Variants in IGF2BP2 observed in about 807,000 individuals in gnomAD.
IGF2BP2 encodes the protein insulin like growth factor 2 mRNA binding protein 2.
Under a neutral mutation model 75.8 loss-of-function variants are expected in IGF2BP2, and 17 were observed. That is an observed-to-expected ratio of 0.22 (90% confidence interval 0.15 to 0.34). The LOEUF is 0.34. Ranked by LOEUF, IGF2BP2 falls within the 10% of genes least tolerant of loss-of-function variation. The pLI, the probability that IGF2BP2 is intolerant of heterozygous loss-of-function variation, is 1.00. For missense variants in IGF2BP2, 516 were observed against 772.4 expected (o/e 0.67, Z 3.93); for synonymous variants, 288 against 295.6 (o/e 0.97, Z 0.26).
At chr3:185,679,743 A>C (rs1251336713) in intron 7 of IGF2BP2, among the ~76,000 whole-genome samples, 1 of 152,030 alleles carries the variant, frequency 6.6e-6, no homozygotes, top group Non-Finnish European at 1.5e-5. Flanking sequence ...CAGCCTCCTG[A>C]GTAGCTGGGA....
chr3:185,767,564 T>C (rs1009676230), intron 2 of IGF2BP2, among the ~76,000 whole-genome samples: 1 of 152,184 alleles, frequency 6.6e-6, no homozygotes, highest in East Asian at 1.9e-4. Flanking sequence ...TATACAACAT[T>C]TGAAAAATGT....
chr3:185,734,998 G>A (rs1231326912), intron 2 of IGF2BP2, among the ~76,000 whole-genome samples: 1 of 152,110 alleles, frequency 6.6e-6, no homozygotes, highest in Non-Finnish European at 1.5e-5. Flanking sequence ...GCACACATAA[G>A]TGCTCAAGCT....
In IGF2BP2 at chr3:185,645,168, G is replaced by T. The variant is rs1198155187; in HGVS notation, c.*363C>A. On this transcript the variant is annotated 3_prime_UTR_variant, in exon 16 of 16. Coordinates refer to ENST00000382199, the MANE Select transcript of IGF2BP2 (RefSeq NM_006548.6). This position sits in a 1 kb window ranked among gnomAD's most constrained non-coding sequence, Gnocchi z 4.9. ...CAGAGACGATTTGCCACAGAAAAAG[G>T]GTGTGCATTTTGCTTGGCTTTGAAC... The T allele has an allele frequency of 3.8e-6, 1 of 264,444 alleles. No individual in the cohort carries two copies. Among genetic ancestry groups the T allele is most frequent in the Non-Finnish European group, 7.3e-6 (1 of 137,012 alleles). The allele number at this position is 264,444 out of a possible 1,614,324, so 16.4% of individuals were successfully genotyped here.
chr3:185,745,903 C>T (rs1453825780), intron 2 of IGF2BP2, among the ~76,000 whole-genome samples: 2 of 152,078 alleles, frequency 1.3e-5, no homozygotes, highest in Non-Finnish European at 2.9e-5. Flanking sequence ...TCCTAACCTT[C>T]CTCTGGTTTG....
intron 2 of IGF2BP2, among the ~76,000 whole-genome samples, chr3:185,806,432 T>A (rs1739040261): frequency 6.6e-6 from 1 of 152,178 alleles, no homozygotes; most frequent in Non-Finnish European, 1.5e-5. Flanking sequence ...TCTAATATTT[T>A]CTAAGCCTCA....
intron 14 of IGF2BP2, among the ~76,000 whole-genome samples, chr3:185,648,006 C>T (rs1033852972): frequency 1.3e-5 from 2 of 152,262 alleles, no homozygotes; most frequent in African/African-American, 4.8e-5. Flanking sequence ...CTCCTACATT[C>T]CAGCTCCGCC....
chr3:185,821,143 A>G, intron 2 of IGF2BP2: 1 of 1,476,242 alleles, frequency 6.8e-7, no homozygotes, highest in Admixed American at 2.7e-5. Context: ...CAGTACAAGT[A>G]GCTAATTTCT....
At chr3:185,733,801 A>C (rs1728505688) in intron 2 of IGF2BP2, among the ~76,000 whole-genome samples, 1 of 152,158 alleles carries the variant, frequency 6.6e-6, no homozygotes, top group African/African-American at 2.4e-5. Context: ...GCCAAAAATA[A>C]AGTAAATGCA....
At position 185,657,358 on chromosome 3, in the gene IGF2BP2, A is replaced by C; in HGVS notation, c.1314T>G (p.Ala438=). 1 of 1,613,996 alleles carries C rather than the reference A, an allele frequency of 6.2e-7. No individual in the cohort carries two copies. The highest frequency in any genetic ancestry group is 8.5e-7 in the Non-Finnish European group (1 of 1,179,914). The part of the protein sequence containing the change: ...EIVNLFIPTQ[A]VGAIIGKKGA... ...CCTTCTTCCCGATGATGGCGCCCAC[A>C]GCCTGGGTTGGGATGAAGAGATTCA... is the stretch of plus-strand genomic sequence containing the variant. Residue 438 remains alanine, a synonymous_variant, in exon 12 of 16, where the codon GCT becomes GCG. Transcript: ENST00000382199.
chr3:185,762,290 G>A (rs962611808), intron 2 of IGF2BP2, among the ~76,000 whole-genome samples: 1 of 150,724 alleles, frequency 6.6e-6, no homozygotes, highest in Non-Finnish European at 1.5e-5. Context: ...CACTTCCGGA[G>A]GCCAAGACAA....
chr3:185,647,679 C>T lies in IGF2BP2; in HGVS notation c.1594-541G>A, dbSNP rs1016162488. ...CCTCTCTCCCGGCCACTGGATCCCACCCCAGGCCCACCTCCATGAAGCCTC... is the reference window on the plus strand; with the variant it reads ...CCTCTCTCCCGGCCACTGGATCCCATCCCAGGCCCACCTCCATGAAGCCTC... On this transcript the variant is annotated intron_variant, in intron 14 of 15. Coordinates refer to ENST00000382199, the MANE Select transcript of IGF2BP2 (RefSeq NM_006548.6). The surrounding 1 kb of genome is among the most constrained non-coding windows in gnomAD (Gnocchi z 4.9). Among the ~76,000 whole-genome samples the T allele has an allele frequency of 6.6e-5, 10 of 152,192 alleles. No individual in the cohort carries two copies. The highest frequency in any genetic ancestry group is 1.5e-4 in the Non-Finnish European group (10 of 68,034).
chr3:185,787,447 GA>G (rs1736049899), intron 2 of IGF2BP2, among the ~76,000 whole-genome samples: 1 of 152,162 alleles, frequency 6.6e-6, no homozygotes, highest in Non-Finnish European at 1.5e-5. Context: ...AAAGAGCTCT[GA>G]CAGGCCGGGC....
chr3:185,700,226 T>TGC (rs1723105566), intron 2 of IGF2BP2, among the ~76,000 whole-genome samples: 1 of 151,884 alleles, frequency 6.6e-6, no homozygotes, highest in Non-Finnish European at 1.5e-5. Context: ...CACACAGAGG[T>TGC]ACAGAGATGG....
At chr3:185,696,199 T>C (rs375951854) in intron 4 of IGF2BP2, among the ~76,000 whole-genome samples, 12 of 152,200 alleles carry the variant, frequency 7.9e-5, no homozygotes, top group Non-Finnish European at 1.6e-4. Context: ...AAGGGATTAT[T>C]GGTATAGGAG....
chr3:185,664,128 C>G (rs1435076285), intron 10 of IGF2BP2, among the ~76,000 whole-genome samples: 1 of 152,144 alleles, frequency 6.6e-6, no homozygotes, highest in Non-Finnish European at 1.5e-5. Context: ...TGTCTCTTTA[C>G]ATGGAGCTGC....
chr3:185,802,087 G>A (rs1461760315), intron 2 of IGF2BP2, among the ~76,000 whole-genome samples: 2 of 151,940 alleles, frequency 1.3e-5, no homozygotes, highest in Non-Finnish European at 2.9e-5. Flanking sequence ...CCTAGATGAC[G>A]GGTTGATAGG....
intron 2 of IGF2BP2, among the ~76,000 whole-genome samples, chr3:185,768,926 C>T (rs1266155530): frequency 1.3e-5 from 2 of 152,188 alleles, no homozygotes; most frequent in Non-Finnish European, 2.9e-5. Flanking sequence ...ACTCAGGAGG[C>T]TGAGACAGGA....
chr3:185,818,112 TGAA>T (rs1740846777), intron 2 of IGF2BP2, among the ~76,000 whole-genome samples: 1 of 152,232 alleles, frequency 6.6e-6, no homozygotes, highest in Non-Finnish European at 1.5e-5. Context: ...CTTCTTCTAA[TGAA>T]GTTTACTCAC....
At chr3:185,790,854 AGAG>A (rs1736552166) in intron 2 of IGF2BP2, among the ~76,000 whole-genome samples, 1 of 152,240 alleles carries the variant, frequency 6.6e-6, no homozygotes, top group Non-Finnish European at 1.5e-5. Context: ...TTTGAAAGGA[AGAG>A]AAGTAAGAAT....
Sources: allele counts gnomAD v4.1 joint callset (sites outside exome capture counted in the v4.1 genomes callset), GRCh38; gene constraint gnomAD v4.1.1; non-coding constraint Gnocchi (gnomAD v3.1); transcripts MANE v1.5; gene names NCBI Gene and HGNC (gene_info 2026-07-23, HGNC 2026-07-21).